Variants in NOVA1 observed in about 807,000 individuals in gnomAD.
NOVA1 encodes the protein NOVA alternative splicing regulator 1.
Under a neutral mutation model 38.0 loss-of-function variants are expected in NOVA1, and 7 were observed. The ratio of observed to expected loss-of-function variants is 0.18; its 90% CI spans 0.10 to 0.35. The LOEUF is 0.35. Ranked by LOEUF, NOVA1 falls within the 10% of genes least tolerant of loss-of-function variation. The probability of loss-of-function intolerance (pLI) is 1.00; values close to 1 mark genes in which losing one functional copy is unlikely to be tolerated. For synonymous variants in NOVA1, 270 were observed against 232.5 expected, an observed-to-expected ratio of 1.16 and a Z score of -1.47; for missense variants, 460 against 616.0, an observed-to-expected ratio of 0.75 and a Z score of 2.68.
intron 1 of NOVA1, chr14:26,596,458 G>C (rs1038430101): frequency 1.0e-6 from 1 of 1,001,546 alleles, no homozygotes; most frequent in Non-Finnish European, 1.4e-6. Context: ...ATCTTATACA[G>C]GAGACACCCC....
At chr14:26,563,240 G>A (rs1355088340) in intron 2 of NOVA1, among the ~76,000 whole-genome samples, 1 of 151,424 alleles carries the variant, frequency 6.6e-6, no homozygotes, top group East Asian at 1.9e-4. Flanking sequence ...ACAAAGAGCA[G>A]AAGCAACCTT....
chr14:26,451,916 G>A (rs1882716081), intron 4 of NOVA1, among the ~76,000 whole-genome samples: 1 of 152,004 alleles, frequency 6.6e-6, no homozygotes, highest in Non-Finnish European at 1.5e-5. Flanking sequence ...GTGGCCCCAA[G>A]TTTTGTTGGC....
intron 3 of NOVA1, among the ~76,000 whole-genome samples, chr14:26,474,402 T>C (rs1364634598): frequency 6.6e-6 from 1 of 152,064 alleles, no homozygotes; most frequent in Non-Finnish European, 1.5e-5. Context: ...AAAAGTTTAA[T>C]TGCAAATTGA....
At chr14:26,577,617 A>C (rs1892942460) in intron 2 of NOVA1, among the ~76,000 whole-genome samples, 1 of 152,102 alleles carries the variant, frequency 6.6e-6, no homozygotes, top group South Asian at 2.1e-4. Context: ...AAGTATCTTA[A>C]ATATAATCAG....
chr14:26,549,661 A>G, intron 2 of NOVA1: 3 of 1,110,830 alleles, frequency 2.7e-6, no homozygotes, highest in Non-Finnish European at 3.6e-6. Context: ...AGTCTAGGGC[A>G]GGTACACAAG....
At chr14:26,516,438 A>G (rs1888469915) in intron 2 of NOVA1, among the ~76,000 whole-genome samples, 1 of 152,134 alleles carries the variant, frequency 6.6e-6, no homozygotes. Context: ...TGCCTAATTT[A>G]AGATCATAAA....
chr14:26,455,926 T>C (rs1284592093), intron 4 of NOVA1, among the ~76,000 whole-genome samples: 1 of 152,042 alleles, frequency 6.6e-6, no homozygotes. Context: ...GTCTTCTTAA[T>C]GCTTACTAAA....
At chr14:26,557,621 C>T (rs1462975523) in intron 2 of NOVA1, among the ~76,000 whole-genome samples, 5 of 151,596 alleles carry the variant, frequency 3.3e-5, no homozygotes, top group African/African-American at 1.2e-4. Context: ...TATCTGCCAA[C>T]CTCTGCCTCC....
chr14:26,566,284 G>A (rs952616274), intron 2 of NOVA1, among the ~76,000 whole-genome samples: 4 of 151,872 alleles, frequency 2.6e-5, no homozygotes, highest in Admixed American at 6.6e-5. Flanking sequence ...CTTCAAATTC[G>A]TTTTAATTTA....
At chr14:26,572,725 AGTGT>A (rs56021646) in intron 2 of NOVA1, among the ~76,000 whole-genome samples, 4,536 of 138,492 alleles carry the variant, frequency 0.033, 145 homozygotes, top group African/African-American at 0.076. Flanking sequence ...AAGGAACCGC[AGTGT>A]GTGTGTGTGT....
chr14:26,597,192 C>A (rs1894248792), intron 1 of NOVA1, 109 bp downstream of exon 1: 1 of 1,140,294 alleles, frequency 8.8e-7, no homozygotes. Context: ...CTGGAGGTGT[C>A]CGGGCCGCGG....
rs938337062 is a variant in NOVA1, at chr14:26,443,776, G to C, written c.*4183C>G. The C allele has an allele frequency of 2.0e-5, 3 of 151,958 alleles. No individual in the cohort carries two copies. The highest frequency in any genetic ancestry group is 4.4e-5 in the Non-Finnish European group (3 of 67,840). 9.4% of individuals were successfully genotyped at this position (151,958 alleles called of 1,614,324 possible). ...TAATCATGTGCAATTTTGTATGGCT[G>C]TTTGCCTCAGTTAAGTAACGTGTGT... On this transcript the variant is annotated 3_prime_UTR_variant, in exon 5 of 5. Transcript: ENST00000539517.
At chr14:26,533,949 C>A (rs1282808887) in intron 2 of NOVA1, among the ~76,000 whole-genome samples, 2 of 152,158 alleles carry the variant, frequency 1.3e-5, no homozygotes, top group African/African-American at 2.4e-5. Flanking sequence ...GCTCTGTGCT[C>A]AGACTGCTGT....
chr14:26,468,782 C>A (rs189523758), intron 4 of NOVA1, among the ~76,000 whole-genome samples: 34 of 152,196 alleles, frequency 2.2e-4, no homozygotes, highest in Non-Finnish European at 2.9e-5. Flanking sequence ...GTGTTTTATA[C>A]AATTTGATAA....
At position 26,597,786 on chromosome 14, in the gene NOVA1, G is replaced by A; in HGVS notation, c.-350C>T. 2.6e-6 allele frequency: 2 copies of A among 755,908 alleles called. No homozygotes were observed. Among genetic ancestry groups the A allele is most frequent in the African/African-American group, 1.9e-5 (1 of 53,244 alleles). 46.8% of individuals were successfully genotyped at this position (755,908 alleles called of 1,614,324 possible). ...GTGAATGAGCGGGAGGAGGGGACCG[G>A]GGAGGACAGGCAGAGGGAGTGGGAG... On this transcript the variant is annotated 5_prime_UTR_variant, in exon 1 of 5. Transcript: ENST00000539517.
At chr14:26,451,198 A>AT (rs1421703788) in intron 4 of NOVA1, among the ~76,000 whole-genome samples, 1 of 152,132 alleles carries the variant, frequency 6.6e-6, no homozygotes, top group African/African-American at 2.4e-5. Flanking sequence ...CTCACATTAT[A>AT]TATGTTTTTT....
intron 2 of NOVA1, among the ~76,000 whole-genome samples, chr14:26,516,188 C>G (rs1338875615): frequency 6.6e-6 from 1 of 152,070 alleles, no homozygotes; most frequent in Non-Finnish European, 1.5e-5. Flanking sequence ...ATTAGGATAT[C>G]CTCTTTTGTG....
chr14:26,550,842 A>G (rs547856434), intron 2 of NOVA1, among the ~76,000 whole-genome samples: 4 of 152,114 alleles, frequency 2.6e-5, no homozygotes, highest in Admixed American at 6.6e-5. Flanking sequence ...ATTAAATAGA[A>G]TTTATTTGAT....
chr14:26,585,218 T>G (rs555641722), intron 2 of NOVA1, among the ~76,000 whole-genome samples: 17 of 151,404 alleles, frequency 1.1e-4, no homozygotes, highest in African/African-American at 3.9e-4. Flanking sequence ...TTACAAAGTA[T>G]GTAAAGACTC....
Sources: gnomAD v4.1 joint callset for allele counts (sites outside exome capture counted in the v4.1 genomes callset) on GRCh38, gnomAD v4.1.1 for gene constraint, MANE v1.5 for transcripts, NCBI Gene and HGNC (gene_info 2026-07-23, HGNC 2026-07-21) for gene names.